Variants in PDZRN4 observed in about 807,000 individuals in gnomAD.
The protein encoded by PDZRN4 is PDZ domain containing ring finger 4.
PDZRN4 carries 70 observed loss-of-function variants against 99.0 expected under a neutral mutation model. The observed-to-expected ratio is 0.71, with a 90% CI of 0.58 to 0.86. The LOEUF is 0.86. PDZRN4 is among the 40% of genes least tolerant of loss of function. The pLI is 0.00. For synonymous variants in PDZRN4, 551 were observed against 501.6 expected, an observed-to-expected ratio of 1.10 and a Z score of -1.32; for missense variants, 1,474 against 1,331.2, an observed-to-expected ratio of 1.11 and a Z score of -1.67.
intron 3 of PDZRN4, among the ~76,000 whole-genome samples, chr12:41,392,989 C>G (rs1419913338): frequency 6.6e-6 from 1 of 152,080 alleles, no homozygotes; most frequent in African/African-American, 2.4e-5. Context: ...TTATTGGGTA[C>G]CTGTTGTGCC....
At chr12:41,393,229 C>T (rs1010707025) in intron 3 of PDZRN4, among the ~76,000 whole-genome samples, 1 of 152,156 alleles carries the variant, frequency 6.6e-6, no homozygotes, top group African/African-American at 2.4e-5. Flanking sequence ...TTAGCACAAG[C>T]ATTTGTTATA....
chr12:41,438,690 G>C (rs1952652932), intron 3 of PDZRN4, among the ~76,000 whole-genome samples: 1 of 152,114 alleles, frequency 6.6e-6, no homozygotes. Flanking sequence ...TATAAATTTA[G>C]ATGTCTCTTT....
At chr12:41,437,807 A>C (rs1293959473) in intron 3 of PDZRN4, 2 of 1,565,024 alleles carry the variant, frequency 1.3e-6, no homozygotes, top group Admixed American at 3.5e-5. Context: ...TCCAGCTAAC[A>C]GCGGTTTGTC....
intron 3 of PDZRN4, among the ~76,000 whole-genome samples, chr12:41,445,016 A>G (rs1952712242): frequency 6.6e-6 from 1 of 151,946 alleles, no homozygotes; most frequent in African/African-American, 2.4e-5. Flanking sequence ...AGAAAGATCA[A>G]AATATCATAT....
intron 3 of PDZRN4, chr12:41,411,797 T>TTTC (rs1406459666): frequency 6.6e-6 from 1 of 152,244 alleles, no homozygotes; most frequent in African/African-American, 2.4e-5. Flanking sequence ...CACTCTTCAC[T>TTTC]TTCTTCTGCT....
chr12:41,317,176 A>G (rs535232049), intron 3 of PDZRN4, among the ~76,000 whole-genome samples: 84 of 151,144 alleles, frequency 5.6e-4, no homozygotes, highest in African/African-American at 1.9e-3. Context: ...ATAAATAGGT[A>G]AACATCTATC....
At chr12:41,245,732 C>T (rs568910923) in intron 3 of PDZRN4, among the ~76,000 whole-genome samples, 1 of 152,096 alleles carries the variant, frequency 6.6e-6, no homozygotes, top group Non-Finnish European at 1.5e-5. Context: ...GTAACTGTTC[C>T]TATGCTGAGG....
chr12:41,240,615 A>G (rs919237621), intron 3 of PDZRN4, among the ~76,000 whole-genome samples: 1 of 152,180 alleles, frequency 6.6e-6, no homozygotes, highest in Non-Finnish European at 1.5e-5. Context: ...GGTGGCTTAT[A>G]AACAATAGAA....
chr12:41,401,631 C>G (rs780059412), intron 3 of PDZRN4, among the ~76,000 whole-genome samples: 40 of 152,210 alleles, frequency 2.6e-4, no homozygotes, highest in Non-Finnish European at 5.4e-4. Context: ...CACTTTTGTG[C>G]AAATGCTTCC....
intron 3 of PDZRN4, among the ~76,000 whole-genome samples, chr12:41,342,049 A>G (rs1437568946): frequency 6.6e-6 from 1 of 151,940 alleles, no homozygotes; most frequent in Non-Finnish European, 1.5e-5. Context: ...AAATTTACAC[A>G]CTTACAGCCA....
At chr12:41,322,487 CTTT>C (rs71081724) in intron 3 of PDZRN4, among the ~76,000 whole-genome samples, 10 of 91,220 alleles carry the variant, frequency 1.1e-4, no homozygotes, top group Admixed American at 4.6e-4. Flanking sequence ...ATTTTCTTTC[CTTT>C]TTTTTTTTTT....
At chr12:41,506,761 C>A (rs752352548) in intron 4 of PDZRN4, 49 bp downstream of exon 4, 179 of 1,552,106 alleles carry the variant, frequency 1.2e-4, no homozygotes, top group Non-Finnish European at 1.4e-4. Context: ...CCATTTGTCA[C>A]GTAAAGCAGA....
At chr12:41,379,226 T>C (rs1203630276) in intron 3 of PDZRN4, among the ~76,000 whole-genome samples, 1 of 150,188 alleles carries the variant, frequency 6.7e-6, no homozygotes, top group Non-Finnish European at 1.5e-5. Context: ...ATTGTATTTA[T>C]TTGAGTCTTC....
intron 3 of PDZRN4, among the ~76,000 whole-genome samples, chr12:41,371,110 CTA>C (rs1307333829): frequency 2.7e-5 from 4 of 149,192 alleles, no homozygotes; most frequent in African/African-American, 9.8e-5. Context: ...ATATATAATT[CTA>C]GAGTACTATT....
chr12:41,446,607 G>T (rs1952730850), intron 3 of PDZRN4, among the ~76,000 whole-genome samples: 1 of 151,610 alleles, frequency 6.6e-6, no homozygotes, highest in South Asian at 2.1e-4. Flanking sequence ...CATGTGCTTT[G>T]TGCTCAGAAC....
At chr12:41,402,145 A>G (rs1952295683) in intron 3 of PDZRN4, among the ~76,000 whole-genome samples, 1 of 98,502 alleles carries the variant, frequency 1.0e-5, no homozygotes, top group Non-Finnish European at 1.9e-5. Flanking sequence ...ATATATACAC[A>G]CACTGAGTAT....
intron 3 of PDZRN4, among the ~76,000 whole-genome samples, chr12:41,364,747 C>G (rs1382173049): frequency 2.0e-5 from 3 of 151,932 alleles, no homozygotes; most frequent in Non-Finnish European, 4.4e-5. Context: ...ACTGAATTGG[C>G]CTTTGGGAAG....
At chr12:41,379,506 A>C (rs1232642521) in intron 3 of PDZRN4, among the ~76,000 whole-genome samples, 2 of 151,582 alleles carry the variant, frequency 1.3e-5, no homozygotes, top group East Asian at 3.9e-4. Flanking sequence ...TTATAGCTTT[A>C]AACTTTTCTT....
intron 3 of PDZRN4, among the ~76,000 whole-genome samples, chr12:41,305,819 A>G (rs538639041): frequency 6.6e-6 from 1 of 152,318 alleles, no homozygotes; most frequent in East Asian, 1.9e-4. Context: ...CATCTTGACA[A>G]TGTTAAGACA....
Sources: allele counts gnomAD v4.1 joint callset (sites outside exome capture counted in the v4.1 genomes callset), GRCh38; gene constraint gnomAD v4.1.1; transcripts MANE v1.5; gene names NCBI Gene and HGNC (gene_info 2026-07-23, HGNC 2026-07-21).